TBC1D1: variants seen among roughly 807,000 people sequenced by gnomAD.
TBC1D1 encodes the protein TBC1 domain family member 1.
A neutral mutation model predicts 125.6 loss-of-function variants in TBC1D1; 89 were observed. The observed-to-expected ratio is 0.71, with a 90% CI of 0.60 to 0.85. TBC1D1 has a LOEUF of 0.85. TBC1D1 is among the 40% of genes least tolerant of loss of function. The probability of loss-of-function intolerance (pLI) is 0.00; values close to 1 mark genes in which losing one functional copy is unlikely to be tolerated. For missense variants in TBC1D1, 1,377 were observed against 1,469.2 expected, an observed-to-expected ratio of 0.94 and a Z score of 1.03; for synonymous variants, 565 against 564.1, an observed-to-expected ratio of 1.00 and a Z score of -0.02.
At chr4:38,025,615 G>A (rs1744921170) in intron 6 of TBC1D1, among the ~76,000 whole-genome samples, 1 of 152,148 alleles carries the variant, frequency 6.6e-6, no homozygotes, top group African/African-American at 2.4e-5. Context: ...CTTAAGCCTT[G>A]GGGTTTATTC....
intron 2 of TBC1D1, among the ~76,000 whole-genome samples, chr4:37,915,207 A>AT (rs147780641): frequency 0.016 from 2,382 of 151,888 alleles, 65 homozygotes; most frequent in African/African-American, 0.053. Context: ...CTTCCTTTCT[A>AT]TTTTTTTTAA....
At chr4:37,988,861 A>G (rs575736740) in intron 2 of TBC1D1, among the ~76,000 whole-genome samples, 1 of 152,264 alleles carries the variant, frequency 6.6e-6, no homozygotes, top group African/African-American at 2.4e-5. Flanking sequence ...GCTTCATTAC[A>G]CCTTCCTCTC....
At chr4:37,934,312 G>A (rs1463867565) in intron 2 of TBC1D1, among the ~76,000 whole-genome samples, 3 of 152,200 alleles carry the variant, frequency 2.0e-5, no homozygotes, top group Non-Finnish European at 2.9e-5. Context: ...GGTGCAGGGC[G>A]TCCCAGAGGC....
At chr4:38,072,710 A>G (rs1047300095) in intron 12 of TBC1D1, among the ~76,000 whole-genome samples, 2 of 152,188 alleles carry the variant, frequency 1.3e-5, no homozygotes, top group African/African-American at 2.4e-5. Context: ...TTGTTGTGCA[A>G]TGGATCTGCA....
intron 10 of TBC1D1, among the ~76,000 whole-genome samples, chr4:38,046,135 G>A (rs895130392): frequency 1.3e-5 from 2 of 152,168 alleles, no homozygotes; most frequent in Admixed American, 6.5e-5. Context: ...AGAGGCGGAC[G>A]CGGGCGGATC....
At chr4:37,914,864 G>T (rs1719377323) in intron 2 of TBC1D1, among the ~76,000 whole-genome samples, 2 of 152,182 alleles carry the variant, frequency 1.3e-5, no homozygotes, top group Admixed American at 6.5e-5. Flanking sequence ...GGTCACTATG[G>T]ACTCAGCTCA....
intron 1 of TBC1D1, among the ~76,000 whole-genome samples, chr4:37,892,257 AC>A (rs1316822692): frequency 6.6e-6 from 1 of 152,122 alleles, no homozygotes; most frequent in East Asian, 1.9e-4. Context: ...AAACTTCTAA[AC>A]TTTTTCAATG....
intron 2 of TBC1D1, among the ~76,000 whole-genome samples, chr4:37,934,913 T>A (rs1232641556): frequency 6.6e-6 from 1 of 152,158 alleles, no homozygotes; most frequent in Non-Finnish European, 1.5e-5. Context: ...GCTTGCTTCC[T>A]CGTAATCTTT....
At chr4:38,052,178 TGTGTGTGTGTG>T (rs1049516142) in intron 11 of TBC1D1, 118 bp downstream of exon 12, 1 of 595,374 alleles carries the variant, frequency 1.7e-6, no homozygotes, top group Admixed American at 3.5e-5. Context: ...TGTGTGTGTG[TGTGTGTGTGTG>T]TGTGTGCGCG....
chr4:38,114,294 A>G (rs1762614836), intron 15 of TBC1D1, among the ~76,000 whole-genome samples: 1 of 152,230 alleles, frequency 6.6e-6, no homozygotes, highest in African/African-American at 2.4e-5. Flanking sequence ...TACTGGGGGA[A>G]GAGATAGAGG....
At chr4:37,895,197 C>T (rs1714291167) in intron 1 of TBC1D1, among the ~76,000 whole-genome samples, 1 of 152,090 alleles carries the variant, frequency 6.6e-6, no homozygotes, top group Non-Finnish European at 1.5e-5. Flanking sequence ...CTTTATTGTC[C>T]AACGTTTTGT....
chr4:37,942,731 G>A (rs1191415678), intron 2 of TBC1D1, among the ~76,000 whole-genome samples: 3 of 151,962 alleles, frequency 2.0e-5, no homozygotes, highest in African/African-American at 4.8e-5. Flanking sequence ...TAGTAGAGAC[G>A]GGGTTTCACC....
intron 2 of TBC1D1, among the ~76,000 whole-genome samples, chr4:37,970,869 C>G (rs1293530004): frequency 6.6e-6 from 1 of 152,194 alleles, no homozygotes; most frequent in East Asian, 1.9e-4. Context: ...CTATTTTTAA[C>G]CAGGTCTTAG....
intron 2 of TBC1D1, among the ~76,000 whole-genome samples, chr4:37,948,353 G>C (rs941614927): frequency 1.3e-5 from 2 of 152,182 alleles, no homozygotes; most frequent in African/African-American, 2.4e-5. Context: ...GAGGCTGGGC[G>C]TGGTGGCTCA....
At chr4:38,048,210 G>A (rs1341627003) in intron 10 of TBC1D1, among the ~76,000 whole-genome samples, 1 of 152,140 alleles carries the variant, frequency 6.6e-6, no homozygotes. Flanking sequence ...TCACCTAGGA[G>A]TTGCAAAGAA....
At position 38,021,677 on chromosome 4, in the gene TBC1D1, G is replaced by A; in HGVS notation, c.1169G>A (p.Cys390Tyr). Residue 390 changes from cysteine (C) to tyrosine (Y), a missense_variant, in exon 6 of 20, where the codon TGC becomes TAC. Physicochemically the swap from Cys to Tyr is radical, Grantham distance 194 (BLOSUM62 -2). Around this residue, in one of 3 missense-constraint regions of TBC1D1, gnomAD observed 822 missense variants for 824.6 expected, o/e 1.00. Transcript: ENST00000261439. ...GCGCCAGCCCAGCTGTGTGAGGGCT[G>A]CCCCCTGCAAAGCCTGCACAAGCTC... 6.3e-7 allele frequency: 1 copy of A among 1,595,760 alleles called. No individual in the cohort carries two copies. The highest frequency in any genetic ancestry group is 8.5e-7 in the Non-Finnish European group (1 of 1,171,360).
chr4:38,002,098 G>A (rs1260552602), intron 2 of TBC1D1, among the ~76,000 whole-genome samples: 1 of 152,148 alleles, frequency 6.6e-6, no homozygotes, highest in Admixed American at 6.5e-5. Context: ...TCCTGCATTC[G>A]TTCAGGATTG....
At chr4:37,898,028 TA>T (rs1213666446) in intron 1 of TBC1D1, among the ~76,000 whole-genome samples, 3 of 152,174 alleles carry the variant, frequency 2.0e-5, no homozygotes, top group Admixed American at 1.3e-4. Context: ...ACATTTGAAA[TA>T]AAAAATTAGC....
At chr4:38,026,544 C>T (rs969036510) in intron 6 of TBC1D1, among the ~76,000 whole-genome samples, 1 of 152,248 alleles carries the variant, frequency 6.6e-6, no homozygotes, top group Non-Finnish European at 1.5e-5. Context: ...AGAGCCTTGG[C>T]CAAGCCTCTG....
Sources: allele counts gnomAD v4.1 joint callset (sites outside exome capture counted in the v4.1 genomes callset), GRCh38; gene constraint gnomAD v4.1.1; regional missense constraint gnomAD v4.1.1; transcripts MANE v1.5; gene names NCBI Gene and HGNC (gene_info 2026-07-23, HGNC 2026-07-21).